GNAI1: variants seen among roughly 807,000 people sequenced by gnomAD.
GNAI1 encodes guanine nucleotide-binding protein G(i) subunit alpha-1.
Under a neutral mutation model 38.9 loss-of-function variants are expected in GNAI1, and 11 were observed. That is an observed-to-expected ratio of 0.28 (90% confidence interval 0.18 to 0.47). The LOEUF is 0.47. Ranked by LOEUF, GNAI1 falls within the 20% of genes least tolerant of loss-of-function variation. The pLI is 0.99. For missense variants in GNAI1, 317 were observed against 436.9 expected (o/e 0.73, Z 2.45); for synonymous variants, 166 against 145.1 (o/e 1.14, Z -1.04).
At chr7:80,150,798 G>T (rs772041034) in intron 1 of GNAI1, among the ~76,000 whole-genome samples, 1 of 152,118 alleles carries the variant, frequency 6.6e-6, no homozygotes, top group African/African-American at 2.4e-5. Context: ...TTCACATCCG[G>T]TTATTTCCCA....
At chr7:80,149,150 A>AACTTT (rs1787681902) in intron 1 of GNAI1, among the ~76,000 whole-genome samples, 1 of 152,146 alleles carries the variant, frequency 6.6e-6, no homozygotes, top group Admixed American at 6.5e-5. Flanking sequence ...TTGCAAATGT[A>AACTTT]ACTTTACACT....
At position 80,223,795 on chromosome 7, in the gene GNAI1, CT is replaced by C. The variant is rs150647324; in HGVS notation, c.*6308del. Among the ~76,000 whole-genome samples the C allele has an allele frequency of 6.6e-6, 1 of 152,096 alleles. No individual in the cohort carries two copies. The highest frequency in any genetic ancestry group is 1.5e-5 in the Non-Finnish European group (1 of 68,018). ...GGCAATTTACCTGTAATAAATATAA[CT>C]TTTTTGCAGACTTGAGCATACGTTT... is the stretch of plus-strand genomic sequence containing the variant. On this transcript the variant is annotated 3_prime_UTR_variant, in exon 8 of 8. Coordinates refer to ENST00000649796, the MANE Select transcript of GNAI1 (RefSeq NM_002069.6).
chr7:80,222,741 A>G lies in GNAI1; in HGVS notation c.*5248A>G, dbSNP rs1789101558. Among the ~76,000 whole-genome samples the G allele has an allele frequency of 6.6e-6, 1 of 152,180 alleles. No homozygotes were observed. ...TAATTTGAGGAAACATGCATAGAAT[A>G]CTAGACAGAGACTATTTTAGCAGAT... On this transcript the variant is annotated 3_prime_UTR_variant, in exon 8 of 8. Coordinates refer to ENST00000649796, the MANE Select transcript of GNAI1 (RefSeq NM_002069.6).
chr7:80,199,083 A>G (rs1475271579), intron 3 of GNAI1, 142 bp from the exon 4 acceptor site: 1 of 563,640 alleles, frequency 1.8e-6, no homozygotes, highest in Non-Finnish European at 3.0e-6. Context: ...GGTGGCTTAG[A>G]GAAAGAAAAG....
At chr7:80,194,879 C>A (rs1038749001) in intron 3 of GNAI1, among the ~76,000 whole-genome samples, 3 of 151,918 alleles carry the variant, frequency 2.0e-5, no homozygotes, top group Non-Finnish European at 2.9e-5. Context: ...TCAAAATGCT[C>A]CTTGTTACTT....
At chr7:80,171,874 G>GT (rs1788103809) in intron 1 of GNAI1, among the ~76,000 whole-genome samples, 1 of 152,034 alleles carries the variant, frequency 6.6e-6, no homozygotes, top group Non-Finnish European at 1.5e-5. Context: ...AAATGAAATA[G>GT]TTTGTTTTGT....
At chr7:80,138,916 C>A (rs901274328) in intron 1 of GNAI1, among the ~76,000 whole-genome samples, 3 of 152,106 alleles carry the variant, frequency 2.0e-5, no homozygotes, top group Non-Finnish European at 4.4e-5. Flanking sequence ...TTGCTGCCAC[C>A]AGGCAGCCCT....
At chr7:80,150,729 A>C (rs1473487889) in intron 1 of GNAI1, among the ~76,000 whole-genome samples, 3 of 152,332 alleles carry the variant, frequency 2.0e-5, no homozygotes, top group East Asian at 3.9e-4. Flanking sequence ...TTCGTAAATA[A>C]ACAGAACTTT....
At chr7:80,211,203 T>A in intron 6 of GNAI1, 105 bp downstream of exon 6, 1 of 910,962 alleles carries the variant, frequency 1.1e-6, no homozygotes, top group Middle Eastern at 2.4e-4. Context: ...ACAGGGTCTT[T>A]CCTCTAACTT....
intron 1 of GNAI1, among the ~76,000 whole-genome samples, chr7:80,151,393 C>T (rs999569177): frequency 4.6e-5 from 7 of 151,220 alleles, no homozygotes; most frequent in African/African-American, 1.5e-4. Context: ...TCTAGATAAC[C>T]ACAAAGCCAA....
chr7:80,142,613 T>A (rs1787546321), intron 1 of GNAI1, among the ~76,000 whole-genome samples: 1 of 152,244 alleles, frequency 6.6e-6, no homozygotes, highest in South Asian at 2.1e-4. Flanking sequence ...GTTTCATAAT[T>A]GTTGGTTAAA....
At chr7:80,217,220 T>TCATATGTATGAAACTGACTTCAGTTG in intron 7 of GNAI1, 83 bp from the exon 8 acceptor site, 1 of 896,198 alleles carries the variant, frequency 1.1e-6, no homozygotes, top group Non-Finnish European at 1.7e-6. Flanking sequence ...GACTTCAGTT[T>TCATATGTATGAAACTGACTTCAGTTG]CATATGTATG....
chr7:80,135,349 T>G, intron 1 of GNAI1, 71 bp downstream of exon 1: 2 of 935,806 alleles, frequency 2.1e-6, no homozygotes, highest in Non-Finnish European at 2.9e-6. Context: ...CCCTCGGCGT[T>G]TGGAAACCCG....
rs575577438 is a variant in GNAI1 at position 80,164,506 on chromosome 7, C to T, written c.119-24445C>T. On this transcript the variant is annotated intron_variant, in intron 1 of 7. Coordinates refer to ENST00000649796, the MANE Select transcript of GNAI1 (RefSeq NM_002069.6). ...CCTCCCTAGTAGCTGGGACTACAGGCGCCCACCACCACACCCGGCTAATTT... is the reference window on the plus strand; with the variant it reads ...CCTCCCTAGTAGCTGGGACTACAGGTGCCCACCACCACACCCGGCTAATTT... 1.6e-3 allele frequency among the ~76,000 whole-genome samples: 248 copies of T among 152,034 alleles called. 3 individuals are homozygous for T. The highest frequency in any genetic ancestry group is 5.0e-3 in the African/African-American group (206 of 41,488).
intron 3 of GNAI1, among the ~76,000 whole-genome samples, chr7:80,190,702 T>C (rs1788465835): frequency 6.6e-6 from 1 of 152,160 alleles, no homozygotes; most frequent in Non-Finnish European, 1.5e-5. Context: ...AATTATAAAC[T>C]TTTAATTTAA....
rs1789046283 is a variant in GNAI1, at chr7:80,220,187, C to T, written c.*2694C>T. 6.6e-6 allele frequency among the ~76,000 whole-genome samples: 1 copy of T among 152,090 alleles called. No individual in the cohort carries two copies. Among genetic ancestry groups the T allele is most frequent in the South Asian group, 2.1e-4 (1 of 4,828 alleles). On this transcript the variant is annotated 3_prime_UTR_variant, in exon 8 of 8. Coordinates refer to ENST00000649796, the MANE Select transcript of GNAI1 (RefSeq NM_002069.6). Reference sequence around the variant, plus strand: ...AGGCCTGTTCCTTTCTACACTGTATCCAAATAGTGTCCTGTGCATAACCTG... The same window carrying T: ...AGGCCTGTTCCTTTCTACACTGTATTCAAATAGTGTCCTGTGCATAACCTG...
In GNAI1 at chr7:80,218,599, G is replaced by T. The variant is rs1789016213; in HGVS notation, c.*1106G>T. ...ATACTCTATTGCTGATATAATGCAA[G>T]ATTTAAATTTATACATATAACTAAT... On this transcript the variant is annotated 3_prime_UTR_variant, in exon 8 of 8. Coordinates refer to ENST00000649796, the MANE Select transcript of GNAI1 (RefSeq NM_002069.6). 6.6e-6 allele frequency: 1 copy of T among 152,054 alleles called. No individual in the cohort carries two copies. The highest frequency in any genetic ancestry group is 1.5e-5 in the Non-Finnish European group (1 of 67,994). 9.4% of individuals were successfully genotyped at this position (152,054 alleles called of 1,614,324 possible). A position where few individuals can be genotyped will look rare whatever the true frequency, so the allele number is the denominator to read the frequency against.
chr7:80,179,794 C>T (rs957272431), intron 1 of GNAI1, among the ~76,000 whole-genome samples: 8 of 152,102 alleles, frequency 5.3e-5, no homozygotes, highest in Admixed American at 5.2e-4. Flanking sequence ...CTGAACAGTG[C>T]CAGGTGATAG....
At chr7:80,135,323 G>T in intron 1 of GNAI1, 45 bp downstream of exon 1, 1 of 1,153,024 alleles carries the variant, frequency 8.7e-7, no homozygotes, top group Non-Finnish European at 1.2e-6. Flanking sequence ...GGGGGACCGG[G>T]TGCGGCGCTG....
Sources: allele counts gnomAD v4.1 joint callset (sites outside exome capture counted in the v4.1 genomes callset), GRCh38; gene constraint gnomAD v4.1.1; transcripts MANE v1.5; gene names NCBI Gene and HGNC (gene_info 2026-07-23, HGNC 2026-07-21).